Variants in HFM1 observed in about 807,000 individuals in gnomAD.
The protein encoded by HFM1 is helicase for meiosis 1.
In HFM1, 169 loss-of-function variants were observed where a neutral mutation model predicts 192.1. The ratio of observed to expected loss-of-function variants is 0.88; its 90% CI spans 0.78 to 1.00. The LOEUF (loss-of-function observed/expected upper bound fraction) is 1.00. Ranked by LOEUF, HFM1 falls within the 50% of genes least tolerant of loss-of-function variation. The pLI is 0.00. For missense variants in HFM1, 1,661 were observed against 1,668.0 expected (o/e 1.00, Z 0.07); for synonymous variants, 525 against 537.8 (o/e 0.98, Z 0.33).
chr1:91,313,519 CAA>C (rs753986743), intron 29 of HFM1, 24 bp from the exon 30 acceptor site: 1 of 1,520,328 alleles, frequency 6.6e-7, no homozygotes, highest in Admixed American at 2.0e-5. Context: ...AAAAAGTACA[CAA>C]ATGTTTATTT....
chr1:91,320,679 A>G (rs1651957310), intron 23 of HFM1, among the ~76,000 whole-genome samples: 1 of 152,190 alleles, frequency 6.6e-6, no homozygotes, highest in African/African-American at 2.4e-5. Flanking sequence ...GATAGGAGGA[A>G]GGACAGGGAT....
rs1651704286 is a variant in HFM1 at position 91,319,200 on chromosome 1, T to A, written c.2690A>T (p.Asp897Val). ...HGSRITRWLS[D>V]FVAAQEKKFA... ...CTTCTTTTCTTGAGCAGCTACAAAA[T>A]CTGACAACCCTAAAAAAAAAGTTTC... Residue 897 changes from aspartate to valine, a missense_variant, in exon 25 of 39, where the codon GAT becomes GTT. Coordinates refer to ENST00000370425, the MANE Select transcript of HFM1 (RefSeq NM_001017975.6). The A allele has an allele frequency of 1.2e-6, 2 of 1,605,782 alleles. No homozygotes were observed. The highest frequency in any genetic ancestry group is 3.4e-5 in the Admixed American group (2 of 58,012).
intron 21 of HFM1, among the ~76,000 whole-genome samples, chr1:91,323,819 C>T (rs1048277724): frequency 2.0e-5 from 3 of 152,098 alleles, no homozygotes; most frequent in African/African-American, 7.2e-5. Context: ...TTGATTTCTC[C>T]TTAGTTAAGA....
At chr1:91,350,627 G>T in intron 18 of HFM1, 111 bp downstream of exon 18, 2 of 940,416 alleles carry the variant, frequency 2.1e-6, no homozygotes, top group Non-Finnish European at 3.1e-6. Flanking sequence ...GTTACCTTTT[G>T]TTTTGTTACC....
intron 30 of HFM1, among the ~76,000 whole-genome samples, chr1:91,283,980 G>A (rs994668819): frequency 1.8e-4 from 27 of 151,702 alleles, no homozygotes; most frequent in African/African-American, 6.5e-4. Flanking sequence ...GCAATTCATG[G>A]TTTTACTTTT....
intron 23 of HFM1, among the ~76,000 whole-genome samples, chr1:91,321,481 G>C (rs1652097884): frequency 6.6e-6 from 1 of 151,586 alleles, no homozygotes. Flanking sequence ...AATAAAAAGG[G>C]AAGAAACCAG....
chr1:91,325,109 A>C (rs941487088), intron 20 of HFM1, among the ~76,000 whole-genome samples: 2 of 152,028 alleles, frequency 1.3e-5, no homozygotes, highest in African/African-American at 4.8e-5. Flanking sequence ...CCAGAGGGGG[A>C]GCCTACTGCC....
At chr1:91,287,660 G>A (rs1421634565) in intron 30 of HFM1, among the ~76,000 whole-genome samples, 1 of 152,152 alleles carries the variant, frequency 6.6e-6, no homozygotes, top group East Asian at 1.9e-4. Flanking sequence ...AAAGCTGGAC[G>A]GAGAATGACT....
intron 13 of HFM1, among the ~76,000 whole-genome samples, chr1:91,356,971 C>G (rs1252530579): frequency 1.3e-5 from 2 of 152,074 alleles, no homozygotes; most frequent in African/African-American, 4.8e-5. Context: ...GAAGAATCTT[C>G]CAACAAGGAA....
At chr1:91,282,267 C>G (rs556000016) in intron 30 of HFM1, among the ~76,000 whole-genome samples, 5 of 151,934 alleles carry the variant, frequency 3.3e-5, no homozygotes, top group Admixed American at 3.3e-4. Flanking sequence ...ACTTTATGTT[C>G]GAGACCTCCG....
chr1:91,314,907 G>C (rs1210266104), intron 28 of HFM1, among the ~76,000 whole-genome samples: 1 of 152,138 alleles, frequency 6.6e-6, no homozygotes, highest in Non-Finnish European at 1.5e-5. Context: ...GGATATCCTG[G>C]TCACTGCAGT....
intron 13 of HFM1, among the ~76,000 whole-genome samples, chr1:91,353,937 A>G (rs891000426): frequency 1.3e-5 from 2 of 150,504 alleles, no homozygotes; most frequent in East Asian, 3.9e-4. Flanking sequence ...AAAAAAAAAA[A>G]CCAACCAAAA....
At chr1:91,297,063 G>A (rs563292501) in intron 30 of HFM1, among the ~76,000 whole-genome samples, 4 of 152,300 alleles carry the variant, frequency 2.6e-5, no homozygotes, top group African/African-American at 9.6e-5. Flanking sequence ...GGTGACAGAC[G>A]GCACCTGGAA....
intron 2 of HFM1, among the ~76,000 whole-genome samples, chr1:91,396,975 C>A (rs962608754): frequency 1.3e-5 from 2 of 152,116 alleles, no homozygotes; most frequent in African/African-American, 2.4e-5. Context: ...CACAGGAGTG[C>A]GAGCCCTATC....
intron 28 of HFM1, among the ~76,000 whole-genome samples, chr1:91,314,827 G>T (rs1332960924): frequency 6.6e-6 from 1 of 152,166 alleles, no homozygotes; most frequent in African/African-American, 2.4e-5. Context: ...AGAGAACAAA[G>T]ATTTGTACAA....
chr1:91,291,010 G>A (rs1053932690), intron 30 of HFM1, among the ~76,000 whole-genome samples: 98 of 151,952 alleles, frequency 6.4e-4, no homozygotes, highest in East Asian at 3.7e-3. Context: ...CAACGAGAAC[G>A]AAGACACAAC....
At chr1:91,363,509 C>G (rs1237166903) in intron 13 of HFM1, among the ~76,000 whole-genome samples, 1 of 137,756 alleles carries the variant, frequency 7.3e-6, no homozygotes, top group African/African-American at 2.6e-5. Context: ...GTCAAAATGG[C>G]AATTACTAAA....
At chr1:91,367,656 A>G (rs939936030) in intron 13 of HFM1, among the ~76,000 whole-genome samples, 3 of 152,180 alleles carry the variant, frequency 2.0e-5, no homozygotes, top group Non-Finnish European at 4.4e-5. Flanking sequence ...GATGGGGAAA[A>G]AACAGAGCAG....
intron 18 of HFM1, 117 bp downstream of exon 18, chr1:91,350,621 C>A: frequency 2.4e-6 from 2 of 848,288 alleles, no homozygotes; most frequent in Non-Finnish European, 1.8e-6. Context: ...ACTGTTGTTA[C>A]CTTTTGTTTT....
Sources: allele counts gnomAD v4.1 joint callset (sites outside exome capture counted in the v4.1 genomes callset), GRCh38; gene constraint gnomAD v4.1.1; transcripts MANE v1.5; gene names NCBI Gene and HGNC (gene_info 2026-07-23, HGNC 2026-07-21).